Variants in ITGA8 observed in about 807,000 individuals in gnomAD.
ITGA8 encodes integrin alpha-8.
A neutral mutation model predicts 142.3 loss-of-function variants in ITGA8; 91 were observed. The observed-to-expected ratio is 0.64, with a 90% CI of 0.54 to 0.76. ITGA8 has a LOEUF of 0.76. Ranked by LOEUF, ITGA8 falls within the 30% of genes least tolerant of loss-of-function variation. ITGA8 has a pLI of 0.00. For missense variants in ITGA8, 1,406 were observed against 1,327.7 expected (o/e 1.06, Z -0.92); for synonymous variants, 505 against 485.2 (o/e 1.04, Z -0.54).
Position 15,548,493 on chromosome 10 carries a change from T to C in ITGA8, c.2842A>G (p.Lys948Glu). The change falls in exon 27 of 30, where the codon AAA (lysine) becomes GAA (glutamate). Residue 948 changes from lysine to glutamate, a missense_variant. By Grantham distance (56) the Lys-to-Glu change is moderately conservative (BLOSUM62 1). Transcript: ENST00000378076. ...TGGGCCCATAATCGTGACCTGACTT[T>C]CAGGACTGCGCTTTCTCCTCCTTCG... ...RLEGGESAVL[K>E]VRSRLWAHTF... is the part of the protein sequence containing the mutation. The C allele has an allele frequency of 6.2e-7, 1 of 1,606,176 alleles. No homozygotes were observed. Among genetic ancestry groups the C allele is most frequent in the Non-Finnish European group, 8.5e-7 (1 of 1,177,844 alleles).
chr10:15,685,961 A>T (rs932675243), intron 3 of ITGA8, among the ~76,000 whole-genome samples: 1 of 152,342 alleles, frequency 6.6e-6, no homozygotes, highest in East Asian at 1.9e-4. Context: ...AAATGCATAT[A>T]AAACATTAGC....
At chr10:15,710,384 G>A (rs189294526) in intron 2 of ITGA8, among the ~76,000 whole-genome samples, 83 of 152,254 alleles carry the variant, frequency 5.5e-4, no homozygotes, top group East Asian at 1.5e-3. Context: ...CAAATAGGCT[G>A]TTCAAAAACA....
rs58724602 is a variant in ITGA8, at chr10:15,683,300, T to TCCACCCAC, written c.568+696_568+703dup. Among the ~76,000 whole-genome samples the TCCACCCAC allele has an allele frequency of 9.2e-5, 13 of 140,726 alleles. No homozygotes were observed. The East Asian group carries it at 1.1e-3, about 12-fold the overall frequency. 92.3% of individuals were successfully genotyped at this position (140,726 alleles called of 152,430 possible). On this transcript the variant is annotated intron_variant, in intron 4 of 29. Coordinates refer to ENST00000378076, the MANE Select transcript of ITGA8 (RefSeq NM_003638.3). ...ATCCATCCATCCATCCATCCACCCA[T>TCCACCCAC]CCACCCACCCACCCACCCACCCACC...
At chr10:15,714,276 T>C (rs530452346) in intron 2 of ITGA8, among the ~76,000 whole-genome samples, 12 of 152,314 alleles carry the variant, frequency 7.9e-5, no homozygotes, top group African/African-American at 2.9e-4. Flanking sequence ...AACCCATGCA[T>C]TGGTTTAGAA....
chr10:15,531,367 G>A lies in ITGA8; in HGVS notation c.2881-216C>T, dbSNP rs9333238. Reference sequence around the variant, plus strand: ...CCATGCATCCATCCATCTAAGCGTCGAAGCGTGAATCCATCTATCCAAGCA... The same window carrying A: ...CCATGCATCCATCCATCTAAGCGTCAAAGCGTGAATCCATCTATCCAAGCA... On this transcript the variant is annotated intron_variant, in intron 27 of 29. Transcript: ENST00000378076. Among the ~76,000 whole-genome samples, 28,286 of 126,050 alleles carry A rather than the reference G, an allele frequency of 0.22. 2,763 individuals are homozygous for A. Among genetic ancestry groups the A allele is most frequent in the Non-Finnish European group, 0.24 (13,505 of 55,694 alleles). The allele number at this position is 126,050 out of a possible 152,430, so 82.7% of individuals were successfully genotyped here. A position where few individuals can be genotyped will look rare whatever the true frequency, so the allele number is the denominator to read the frequency against.
intron 13 of ITGA8, among the ~76,000 whole-genome samples, chr10:15,620,933 T>A (rs1196939711): frequency 6.6e-6 from 1 of 152,236 alleles, no homozygotes; most frequent in Non-Finnish European, 1.5e-5. Flanking sequence ...AATAATATTT[T>A]AAGATATTGC....
intron 20 of ITGA8, among the ~76,000 whole-genome samples, chr10:15,601,003 G>T (rs548713947): frequency 4.6e-5 from 7 of 152,298 alleles, no homozygotes; most frequent in African/African-American, 1.7e-4. Context: ...ACTTTGGGAG[G>T]CCAAGGCTGG....
intron 19 of ITGA8, among the ~76,000 whole-genome samples, chr10:15,604,578 C>CAAAAA (rs35672275): frequency 1.2e-5 from 1 of 86,356 alleles, no homozygotes; most frequent in Non-Finnish European, 2.3e-5. Flanking sequence ...AACCAGTTCT[C>CAAAAA]AAAAAAAAAA....
At chr10:15,704,171 C>T (rs908233910) in intron 2 of ITGA8, among the ~76,000 whole-genome samples, 6 of 152,214 alleles carry the variant, frequency 3.9e-5, no homozygotes, top group Non-Finnish European at 7.3e-5. Context: ...CTACTTCTTT[C>T]CATCCCTGTT....
Position 15,607,697 on chromosome 10 carries a change from C to A in ITGA8, c.1744G>T (p.Asp582Tyr). The change falls in exon 17 of 30, where the codon GAT (aspartate) becomes TAT (tyrosine). Residue 582 changes from aspartate to tyrosine, a missense_variant. Transcript: ENST00000378076. ...CTTACTCGAAGGTAAACGATGAAAT[C>A]CTGGCACTGGTGGGATTTCTGCCTT... is the stretch of plus-strand genomic sequence containing the variant. ...IKRQKSHQCQ[D>Y]FIVYLRDETE... The A allele has an allele frequency of 6.2e-6, 10 of 1,613,868 alleles. No individual in the cohort carries two copies. The highest frequency in any genetic ancestry group is 8.5e-6 in the Non-Finnish European group (10 of 1,179,828).
At chr10:15,539,284 A>G (rs977739227) in intron 27 of ITGA8, among the ~76,000 whole-genome samples, 2 of 152,158 alleles carry the variant, frequency 1.3e-5, no homozygotes, top group African/African-American at 4.8e-5. Flanking sequence ...GATGAAATAA[A>G]AGGTATCAAA....
rs574801884 is a variant in ITGA8 at position 15,627,176 on chromosome 10, A to C, written c.1400-10617T>G. ...GGTCATATTACAAACACAGGCCAGG[A>C]TCCACTGAATTGAAGTCCCTGGGTG... is the stretch of plus-strand genomic sequence containing the variant. On this transcript the variant is annotated intron_variant, in intron 13 of 29. Coordinates refer to ENST00000378076, the MANE Select transcript of ITGA8 (RefSeq NM_003638.3). Among the ~76,000 whole-genome samples, 4 of 152,252 alleles carry C rather than the reference A, an allele frequency of 2.6e-5. No homozygotes were observed. In the East Asian group the frequency reaches 7.7e-4, roughly 29 times the overall value.
At chr10:15,595,316 C>G (rs998388056) in intron 21 of ITGA8, among the ~76,000 whole-genome samples, 8 of 151,938 alleles carry the variant, frequency 5.3e-5, no homozygotes, top group African/African-American at 1.9e-4. Context: ...TTTACCACAA[C>G]CCACTGAGAG....
At chr10:15,609,565 TTTA>T (rs1466088097) in intron 15 of ITGA8, among the ~76,000 whole-genome samples, 3 of 152,234 alleles carry the variant, frequency 2.0e-5, no homozygotes, top group Non-Finnish European at 2.9e-5. Flanking sequence ...ATTACAAGTG[TTTA>T]TTCCGCTTCC....
intron 13 of ITGA8, among the ~76,000 whole-genome samples, chr10:15,627,689 G>A (rs1014056075): frequency 6.6e-6 from 1 of 152,196 alleles, no homozygotes; most frequent in African/African-American, 2.4e-5. Context: ...GATGGCACAG[G>A]CCTGGGTCTG....
intron 2 of ITGA8, among the ~76,000 whole-genome samples, chr10:15,716,011 C>G (rs1205608230): frequency 6.6e-6 from 1 of 152,196 alleles, no homozygotes; most frequent in East Asian, 1.9e-4. Flanking sequence ...CCCATAGTAC[C>G]CCCTGATGGC....
intron 3 of ITGA8, 105 bp downstream of exon 3, chr10:15,687,833 C>A: frequency 1.4e-6 from 1 of 705,654 alleles, no homozygotes. Flanking sequence ...CGTTGAAAGT[C>A]TAACATGTTC....
chr10:15,545,201 C>T (rs768990441), intron 27 of ITGA8, among the ~76,000 whole-genome samples: 9 of 152,168 alleles, frequency 5.9e-5, no homozygotes, highest in Non-Finnish European at 1.2e-4. Context: ...ACAGTGTTCC[C>T]CCAAGTCTTC....
rs530445182 is a variant in ITGA8, at chr10:15,520,406, C to G, written c.2983-994G>C. On this transcript the variant is annotated intron_variant, in intron 28 of 29. Coordinates refer to ENST00000378076, the MANE Select transcript of ITGA8 (RefSeq NM_003638.3). ...CCAGCCTAGGCAACAGGGTGACACT[C>G]TTCTTTCTCCTTCCCGCCAAAAAAC... 3.3e-5 allele frequency among the ~76,000 whole-genome samples: 5 copies of G among 152,274 alleles called. No homozygotes were observed. The South Asian group carries it at 8.3e-4, about 25-fold the overall frequency.
Sources: allele counts gnomAD v4.1 joint callset (sites outside exome capture counted in the v4.1 genomes callset), GRCh38; gene constraint gnomAD v4.1.1; transcripts MANE v1.5; gene names NCBI Gene and HGNC (gene_info 2026-07-23, HGNC 2026-07-21).